The following GPHN variants were observed in gnomAD, a reference collection of about 807,000 sequenced individuals.
The protein encoded by GPHN is gephyrin.
In GPHN, 17 loss-of-function variants were observed where a neutral mutation model predicts 95.5. The ratio of observed to expected loss-of-function variants is 0.18; its 90% confidence interval spans 0.12 to 0.27. The LOEUF is 0.27. Among genes scored for constraint, GPHN ranks in the 10% least tolerant of loss-of-function variants. The pLI, the probability that GPHN is intolerant of heterozygous loss-of-function variation, is 1.00. For missense variants in GPHN, 660 were observed against 978.1 expected, an observed-to-expected ratio of 0.67 and a Z score of 4.34; for synonymous variants, 320 against 322.5, an observed-to-expected ratio of 0.99 and a Z score of 0.08.
chr14:66,962,196 A>C (rs1046566151), intron 8 of GPHN, among the ~76,000 whole-genome samples: 4 of 150,746 alleles, frequency 2.7e-5, no homozygotes, highest in Admixed American at 2.0e-4. Context: ...TCATAATCTA[A>C]TTCTTCACCC....
the GPHN span, among the ~76,000 whole-genome samples, chr14:67,517,359 C>T: frequency 6.6e-6 from 1 of 152,248 alleles, no homozygotes; most frequent in Non-Finnish European, 1.5e-5. Flanking sequence ...ATCTGAATTC[C>T]TGGCACCTTA....
chr14:66,743,233 C>T (rs2072948430), intron 2 of GPHN, among the ~76,000 whole-genome samples: 1 of 151,036 alleles, frequency 6.6e-6, no homozygotes, highest in African/African-American at 2.4e-5. Flanking sequence ...GACTTTTAAT[C>T]TTCCCCCCCA....
At chr14:67,533,146 G>A in the GPHN span, among the ~76,000 whole-genome samples, 1 of 152,160 alleles carries the variant, frequency 6.6e-6, no homozygotes, top group Non-Finnish European at 1.5e-5. Flanking sequence ...GGGAGCCGAG[G>A]GGAGGAGGGC....
chr14:66,948,732 A>G (rs1263174590), intron 8 of GPHN, among the ~76,000 whole-genome samples: 2 of 152,194 alleles, frequency 1.3e-5, no homozygotes, highest in African/African-American at 2.4e-5. Flanking sequence ...TACTTTCTCT[A>G]TCGACAAGGC....
At chr14:67,186,986 CAGACAGGAAACGGCTTAA>C in the GPHN span, among the ~76,000 whole-genome samples, 1 of 152,122 alleles carries the variant, frequency 6.6e-6, no homozygotes, top group Non-Finnish European at 1.5e-5. Context: ...ATGAGCATTT[CAGACAGGAAACGGCTTAA>C]AGAATGCAAC....
intron 5 of GPHN, among the ~76,000 whole-genome samples, chr14:66,890,517 T>C (rs2064427096): frequency 6.6e-6 from 1 of 152,014 alleles, no homozygotes; most frequent in Non-Finnish European, 1.5e-5. Context: ...CAACTGACAC[T>C]GGTTGTTTCC....
chr14:66,942,158 C>G (rs774619006), intron 8 of GPHN, among the ~76,000 whole-genome samples: 1 of 152,080 alleles, frequency 6.6e-6, no homozygotes, highest in Non-Finnish European at 1.5e-5. Context: ...ATTACAGGTG[C>G]CTGCCACCAC....
At chr14:67,574,134 C>G in the GPHN span, 2 of 989,194 alleles carry the variant, frequency 2.0e-6, 1 homozygote, top group Middle Eastern at 4.3e-4. The surrounding 1 kb of genome is among the most constrained non-coding windows in gnomAD (Gnocchi z 4.2). Context: ...CTAGGGCAGG[C>G]AGAAGGCCAG....
the GPHN span, among the ~76,000 whole-genome samples, chr14:67,548,341 A>G: frequency 6.6e-6 from 1 of 152,232 alleles, no homozygotes; most frequent in Admixed American, 6.5e-5. Context: ...TAGAACTAAT[A>G]CAAGGTTTTT....
At chr14:66,651,528 T>A (rs568603514) in intron 1 of GPHN, among the ~76,000 whole-genome samples, 1 of 152,170 alleles carries the variant, frequency 6.6e-6, no homozygotes, top group Non-Finnish European at 1.5e-5. Context: ...AGGAATGGAT[T>A]TGTGACCCAT....
chr14:67,091,966 A>C (rs2077167461), intron 12 of GPHN, among the ~76,000 whole-genome samples: 1 of 152,084 alleles, frequency 6.6e-6, no homozygotes, highest in African/African-American at 2.4e-5. Flanking sequence ...CTTCTCCAAG[A>C]TATGTAACAT....
chr14:67,534,017 A>C, the GPHN span, among the ~76,000 whole-genome samples: 3 of 152,010 alleles, frequency 2.0e-5, no homozygotes, highest in Non-Finnish European at 4.4e-5. Flanking sequence ...TTGCCAGGAT[A>C]TCTCCTCCAT....
chr14:66,790,515 A>T lies in GPHN; in HGVS notation c.201+13994A>T, dbSNP rs76677505. Among the ~76,000 whole-genome samples the T allele has an allele frequency of 3.1e-3, 469 of 152,352 alleles. 10 individuals carry two copies. The highest frequency in any genetic ancestry group is 0.011 in the African/African-American group (444 of 41,578). On this transcript the variant is annotated intron_variant, in intron 3 of 22. Coordinates refer to ENST00000478722, the MANE Select transcript of GPHN (RefSeq NM_020806.5). ...CTCAAGATAATTTTTAGAGCTAAGT[A>T]GGACATGAATCCCAAAATTCCTATT...
the GPHN span, among the ~76,000 whole-genome samples, chr14:67,453,803 CG>C: frequency 6.6e-6 from 1 of 152,162 alleles, no homozygotes; most frequent in African/African-American, 2.4e-5. Flanking sequence ...AGAGCTCAGC[CG>C]TGAGTGTCAG....
At chr14:67,576,464 C>T in the GPHN span, 1 of 1,607,080 alleles carries the variant, frequency 6.2e-7, no homozygotes, top group Non-Finnish European at 8.5e-7. The surrounding 1 kb of genome is among the most constrained non-coding windows in gnomAD (Gnocchi z 4.0). Flanking sequence ...TGCCTATGAG[C>T]AGCTCATTGG....
chr14:66,644,355 G>T (rs2064611293), intron 1 of GPHN, among the ~76,000 whole-genome samples: 1 of 151,966 alleles, frequency 6.6e-6, no homozygotes, highest in Non-Finnish European at 1.5e-5. Context: ...GATGCTTTGT[G>T]AGACTAATTT....
chr14:67,312,687 A>G, the GPHN span: 2 of 1,610,886 alleles, frequency 1.2e-6, no homozygotes, highest in Non-Finnish European at 1.7e-6. Flanking sequence ...GAAGATAATC[A>G]ACCTCTAGCC....
chr14:67,008,669 CAGA>C (rs927231495), intron 9 of GPHN, among the ~76,000 whole-genome samples: 4 of 151,860 alleles, frequency 2.6e-5, no homozygotes, highest in Non-Finnish European at 5.9e-5. Context: ...CTCAGCTTCC[CAGA>C]TAGCTGGGAC....
rs534417296 is a variant in GPHN at position 66,649,557 on chromosome 14, A to G, written c.65-31550A>G. 1.2e-4 allele frequency among the ~76,000 whole-genome samples: 18 copies of G among 152,190 alleles called. 1 individual carries two copies. The highest frequency in any genetic ancestry group is 9.8e-4 in the Admixed American group (15 of 15,294). ...GCATTAGATTCTTATTGGAGTGTGA[A>G]CCCTATTGTGAACTACACATGTGAG... On this transcript the variant is annotated intron_variant, in intron 1 of 22. Transcript: ENST00000478722.
Sources: gnomAD v4.1 joint callset for allele counts (sites outside exome capture counted in the v4.1 genomes callset) on GRCh38, gnomAD v4.1.1 for gene constraint, Gnocchi (gnomAD v3.1) non-coding constraint, MANE v1.5 for transcripts, NCBI Gene and HGNC (gene_info 2026-07-23, HGNC 2026-07-21) for gene names.